Variants in LHFPL3 observed in about 807,000 individuals in gnomAD.
The protein encoded by LHFPL3 is LHFPL tetraspan subfamily member 3.
LHFPL3 carries 5 observed loss-of-function variants against 19.3 expected under a neutral mutation model. That is an observed-to-expected ratio of 0.26 (90% CI 0.14 to 0.54). The LOEUF (loss-of-function observed/expected upper bound fraction) is 0.54, where lower values mean the gene tolerates loss of function less well. LHFPL3 is among the 20% of genes least tolerant of loss of function. LHFPL3 has a pLI of 0.94. For missense variants in LHFPL3, 249 were observed against 307.4 expected, an observed-to-expected ratio of 0.81 and a Z score of 1.42; for synonymous variants, 133 against 126.2, an observed-to-expected ratio of 1.05 and a Z score of -0.36.
chr7:104,902,161 C>T (rs1233363080), intron 2 of LHFPL3, among the ~76,000 whole-genome samples: 1 of 152,030 alleles, frequency 6.6e-6, no homozygotes, highest in Non-Finnish European at 1.5e-5. Flanking sequence ...GGGAGGATCA[C>T]TTGAGTCCGG....
intron 1 of LHFPL3, among the ~76,000 whole-genome samples, chr7:104,495,356 C>T (rs1271650174): frequency 6.6e-6 from 1 of 151,750 alleles, no homozygotes; most frequent in Non-Finnish European, 1.5e-5. Flanking sequence ...TACAGGTGTA[C>T]ACAGCCATGT....
At chr7:104,871,400 C>A (rs1305459804) in intron 2 of LHFPL3, among the ~76,000 whole-genome samples, 1 of 152,176 alleles carries the variant, frequency 6.6e-6, no homozygotes, top group Non-Finnish European at 1.5e-5. Context: ...CTGGAAGTCA[C>A]TCTGGGTGGG....
At chr7:104,625,627 A>G (rs1791527784) in intron 1 of LHFPL3, among the ~76,000 whole-genome samples, 1 of 152,140 alleles carries the variant, frequency 6.6e-6, no homozygotes, top group Non-Finnish European at 1.5e-5. Context: ...GTTGAAACTA[A>G]CATCACCAAT....
chr7:104,526,177 G>A (rs1354305077), intron 1 of LHFPL3, among the ~76,000 whole-genome samples: 1 of 152,106 alleles, frequency 6.6e-6, no homozygotes, highest in Admixed American at 6.6e-5. Flanking sequence ...AAGTGTTTTT[G>A]AAAATTCAGA....
intron 1 of LHFPL3, among the ~76,000 whole-genome samples, chr7:104,714,049 T>A (rs148558932): frequency 2.0e-5 from 3 of 152,348 alleles, no homozygotes; most frequent in African/African-American, 7.2e-5. Flanking sequence ...TGATCACGCA[T>A]TGTTCTTCTT....
At chr7:104,489,885 G>A (rs1030012327) in intron 1 of LHFPL3, among the ~76,000 whole-genome samples, 1 of 152,146 alleles carries the variant, frequency 6.6e-6, no homozygotes, top group Non-Finnish European at 1.5e-5. Flanking sequence ...AAACAGCTAT[G>A]CAGATTTCAT....
intron 1 of LHFPL3, among the ~76,000 whole-genome samples, chr7:104,329,623 G>C (rs1293520133): frequency 6.6e-6 from 1 of 152,178 alleles, no homozygotes; most frequent in Admixed American, 6.5e-5. Context: ...AGCGGATTTG[G>C]AGAGGTCATA....
chr7:104,659,404 C>G, intron 1 of LHFPL3, among the ~76,000 whole-genome samples: 1 of 152,192 alleles, frequency 6.6e-6, no homozygotes, highest in East Asian at 1.9e-4. Flanking sequence ...ATCCAGACTT[C>G]CATTGTTGTT....
chr7:104,851,289 G>A lies in LHFPL3; in HGVS notation c.683-54898G>A, dbSNP rs572969162. 2.0e-5 allele frequency among the ~76,000 whole-genome samples: 3 copies of A among 152,334 alleles called. No individual in the cohort carries two copies. The East Asian group carries it at 5.8e-4, about 29-fold the overall frequency. ...GAAAGAACAGGAAGCCTGTGGCTGG[G>A]TGTTTTCTGAGCATGGGGATACATC... On this transcript the variant is annotated intron_variant, in intron 2 of 2. Transcript: ENST00000424859.
In LHFPL3 at chr7:104,730,204, T is replaced by C. The variant is rs1223116315; in HGVS notation, c.446-6471T>C. On this transcript the variant is annotated intron_variant, in intron 1 of 2. Transcript: ENST00000424859. ...GTTCTGAGTAGTGCCACAGTAAACA[T>C]ACGTGTACATGTGTCTTTATAGCAG... Among the ~76,000 whole-genome samples, 3 of 152,322 alleles carry C rather than the reference T, an allele frequency of 2.0e-5. No homozygotes were observed. In the East Asian group the frequency reaches 5.8e-4, roughly 29 times the overall value.
At chr7:104,790,659 G>A (rs951318036) in intron 2 of LHFPL3, among the ~76,000 whole-genome samples, 4 of 152,122 alleles carry the variant, frequency 2.6e-5, no homozygotes, top group South Asian at 2.1e-4. Flanking sequence ...CAAGCCCATC[G>A]TCTAGAATTC....
At chr7:104,573,019 T>G (rs749385628) in intron 1 of LHFPL3, among the ~76,000 whole-genome samples, 17 of 152,342 alleles carry the variant, frequency 1.1e-4, no homozygotes, top group African/African-American at 2.6e-4. Context: ...ATTAACAATC[T>G]CTTTTTATTT....
At chr7:104,331,244 T>C (rs956170722) in intron 1 of LHFPL3, among the ~76,000 whole-genome samples, 1 of 152,242 alleles carries the variant, frequency 6.6e-6, no homozygotes, top group Non-Finnish European at 1.5e-5. Context: ...TGAAATATAA[T>C]GTTGTTCTCA....
chr7:104,658,562 A>G (rs1174616501), intron 1 of LHFPL3, among the ~76,000 whole-genome samples: 1 of 152,162 alleles, frequency 6.6e-6, no homozygotes, highest in East Asian at 1.9e-4. Flanking sequence ...GCACTTTGGG[A>G]GGCCGAGGCA....
At chr7:104,614,320 G>A (rs1230718045) in intron 1 of LHFPL3, among the ~76,000 whole-genome samples, 2 of 152,162 alleles carry the variant, frequency 1.3e-5, no homozygotes, top group African/African-American at 2.4e-5. Context: ...ATTTACAAGT[G>A]TAAGAAGAGC....
chr7:104,600,216 C>T (rs1038872347), intron 1 of LHFPL3, among the ~76,000 whole-genome samples: 3 of 152,204 alleles, frequency 2.0e-5, no homozygotes, highest in Admixed American at 6.5e-5. Context: ...GCTAAATAGA[C>T]TTTATCATAT....
intron 1 of LHFPL3, among the ~76,000 whole-genome samples, chr7:104,626,833 C>G (rs1389697544): frequency 6.6e-6 from 1 of 152,084 alleles, no homozygotes; most frequent in Non-Finnish European, 1.5e-5. Flanking sequence ...TGCTGTGCAT[C>G]TTGAAGTCAA....
chr7:104,662,103 A>G (rs1792233185), intron 1 of LHFPL3, among the ~76,000 whole-genome samples: 1 of 152,150 alleles, frequency 6.6e-6, no homozygotes, highest in South Asian at 2.1e-4. Flanking sequence ...TTTAAAACTT[A>G]TTAATTGTTT....
At chr7:104,633,719 G>A (rs1463641115) in intron 1 of LHFPL3, among the ~76,000 whole-genome samples, 3 of 152,136 alleles carry the variant, frequency 2.0e-5, no homozygotes, top group Admixed American at 6.5e-5. Context: ...ATTAGTGGGG[G>A]CTATTTAATT....
Sources: allele counts gnomAD v4.1 joint callset (sites outside exome capture counted in the v4.1 genomes callset), GRCh38; gene constraint gnomAD v4.1.1; transcripts MANE v1.5; gene names NCBI Gene and HGNC (gene_info 2026-07-23, HGNC 2026-07-21).